The following ARHGDIB variants were observed in gnomAD, a reference collection of about 807,000 sequenced individuals.
ARHGDIB encodes Rho GDP dissociation inhibitor beta, also known as rho GDP-dissociation inhibitor 2.
A neutral mutation model predicts 22.6 loss-of-function variants in ARHGDIB; 20 were observed. The ratio of observed to expected loss-of-function variants is 0.88; its 90% CI spans 0.62 to 1.28. The LOEUF (loss-of-function observed/expected upper bound fraction) is 1.28, where lower values mean the gene tolerates loss of function less well. ARHGDIB is among the 50% of genes most tolerant of loss of function. The pLI is 0.00. For synonymous variants in ARHGDIB, 114 were observed against 96.1 expected (o/e 1.19, Z -1.09); for missense variants, 254 against 245.4 (o/e 1.04, Z -0.23).
intron 1 of ARHGDIB, among the ~76,000 whole-genome samples, chr12:14,958,322 C>T (rs1864342907): frequency 6.6e-6 from 1 of 152,138 alleles, no homozygotes; most frequent in Admixed American, 6.5e-5. Flanking sequence ...ACTACGAAAA[C>T]TTCAAAACTG....
In ARHGDIB at chr12:14,942,330, G is replaced by A. The variant is rs1473209941; in HGVS notation, c.*192C>T. ...ATGGAGGATCAGAGGGAGCAGGTTG[G>A]GTGAAAGCCCGGTTTTAAGCCTCTT... is the stretch of plus-strand genomic sequence containing the variant. On this transcript the variant is annotated 3_prime_UTR_variant, in exon 6 of 6. Transcript: ENST00000228945. 5 of 618,688 alleles carry A rather than the reference G, an allele frequency of 8.1e-6. 1 individual carries two copies. In the Admixed American group the frequency reaches 1.4e-4, roughly 17 times the overall value. 38.3% of individuals were successfully genotyped at this position (618,688 alleles called of 1,614,324 possible).
chr12:14,958,896 G>A (rs1431221514), intron 1 of ARHGDIB, among the ~76,000 whole-genome samples: 1 of 152,196 alleles, frequency 6.6e-6, no homozygotes, highest in Non-Finnish European at 1.5e-5. Flanking sequence ...GGCAACATGA[G>A]ACTCATCTCT....
chr12:14,957,071 T>C (rs1046692588), intron 1 of ARHGDIB, among the ~76,000 whole-genome samples: 4 of 152,174 alleles, frequency 2.6e-5, no homozygotes, highest in Non-Finnish European at 4.4e-5. Flanking sequence ...ACAAATTACC[T>C]GGGTAATTCA....
At chr12:14,950,760 T>C in intron 1 of ARHGDIB, 36 bp from the exon 2 acceptor site, 1 of 1,535,024 alleles carries the variant, frequency 6.5e-7, no homozygotes, top group East Asian at 2.3e-5. Context: ...AGTCAACAAG[T>C]CATGAATATA....
chr12:14,960,015 C>T (rs1408995650), intron 1 of ARHGDIB, among the ~76,000 whole-genome samples: 4 of 152,210 alleles, frequency 2.6e-5, no homozygotes, highest in Non-Finnish European at 4.4e-5. Context: ...GGGACTGGAC[C>T]TCTGCCCCCT....
chr12:14,950,792 G>A lies in ARHGDIB; in HGVS notation c.-12-68C>T, dbSNP rs2302746. 3.4e-3 allele frequency: 4,434 copies of A among 1,309,090 alleles called. 96 individuals are homozygous for A. The African/African-American group carries it at 0.051, about 15-fold the overall frequency. The allele number at this position is 1,309,090 out of a possible 1,614,324, so 81.1% of individuals were successfully genotyped here. A position where few individuals can be genotyped will look rare whatever the true frequency, so the allele number is the denominator to read the frequency against. On this transcript the variant is annotated intron_variant, in intron 1 of 5. Transcript: ENST00000228945. ...TATAAAAGATGTTAGTGGGGCTGCTGTTAGCAGCCTCCTTACCCTCATGGA... is the reference window on the plus strand; with the variant it reads ...TATAAAAGATGTTAGTGGGGCTGCTATTAGCAGCCTCCTTACCCTCATGGA...
At chr12:14,943,020 C>T (rs1863910498) in intron 5 of ARHGDIB, among the ~76,000 whole-genome samples, 1 of 152,104 alleles carries the variant, frequency 6.6e-6, no homozygotes, top group Admixed American at 6.5e-5. Context: ...AGGCATGCGC[C>T]ACCATGCTTG....
intron 3 of ARHGDIB, 121 bp from the exon 4 acceptor site, chr12:14,948,070 C>T: frequency 1.5e-6 from 1 of 656,968 alleles, no homozygotes; most frequent in South Asian, 1.6e-5. Flanking sequence ...ACAGGGCCCT[C>T]AATTCACAGA....
chr12:14,960,205 C>T (rs114339332), intron 1 of ARHGDIB, among the ~76,000 whole-genome samples: 1 of 152,180 alleles, frequency 6.6e-6, no homozygotes, highest in Admixed American at 6.5e-5. Context: ...AAGAACTGCC[C>T]AGGGCTTGCC....
intron 3 of ARHGDIB, among the ~76,000 whole-genome samples, chr12:14,948,212 T>TA (rs1176437810): frequency 6.6e-6 from 1 of 152,100 alleles, no homozygotes; most frequent in Non-Finnish European, 1.5e-5. Flanking sequence ...ATGACAATGC[T>TA]AAAAATACAC....
intron 1 of ARHGDIB, among the ~76,000 whole-genome samples, chr12:14,953,167 C>A (rs536020883): frequency 3.2e-4 from 49 of 152,220 alleles, no homozygotes; most frequent in African/African-American, 1.1e-3. Context: ...AAAAGAGACA[C>A]AAATTTACCT....
chr12:14,952,893 C>T (rs1436443682), intron 1 of ARHGDIB, among the ~76,000 whole-genome samples: 1 of 152,188 alleles, frequency 6.6e-6, no homozygotes, highest in Non-Finnish European at 1.5e-5. Flanking sequence ...CATCCAGTCA[C>T]TGGCTCAAGA....
At chr12:14,960,821 A>G (rs1398883442) in intron 1 of ARHGDIB, among the ~76,000 whole-genome samples, 1 of 152,168 alleles carries the variant, frequency 6.6e-6, no homozygotes, top group Non-Finnish European at 1.5e-5. Context: ...ATTTTTGACA[A>G]CAACAGCAAA....
At position 14,944,305 on chromosome 12, in the gene ARHGDIB, T is replaced by A. The variant is rs529048882; in HGVS notation, c.406+471A>T. Among the ~76,000 whole-genome samples the A allele has an allele frequency of 7.9e-5, 12 of 152,236 alleles. No homozygotes were observed. In the East Asian group the frequency reaches 2.3e-3, roughly 29 times the overall value. On this transcript the variant is annotated intron_variant, in intron 5 of 5. Coordinates refer to ENST00000228945, the MANE Select transcript of ARHGDIB (RefSeq NM_001175.7). ...TAGAAAATATTTTTTTTTCTATTTC[T>A]TTGTTAGGAAATTGAGCATTGCCTC...
At position 14,942,273 on chromosome 12, in the gene ARHGDIB, A is replaced by G. The variant is rs1863880232; in HGVS notation, c.*249T>C. 7.6e-6 allele frequency: 4 copies of G among 524,956 alleles called. No homozygotes were observed. The highest frequency in any genetic ancestry group is 6.6e-5 in the South Asian group (3 of 45,116). The allele number at this position is 524,956 out of a possible 1,614,324, so 32.5% of individuals were successfully genotyped here. A position where few individuals can be genotyped will look rare whatever the true frequency, so the allele number is the denominator to read the frequency against. On this transcript the variant is annotated 3_prime_UTR_variant, in exon 6 of 6. Coordinates refer to ENST00000228945, the MANE Select transcript of ARHGDIB (RefSeq NM_001175.7). ...ACAGGGAAATATTAAATGATTGTGT[A>G]CTGAGATGGAGACGTGGAAGATCTG...
chr12:14,942,296 C>A lies in ARHGDIB; in HGVS notation c.*226G>T. The A allele has an allele frequency of 1.8e-6, 1 of 563,998 alleles. No homozygotes were observed. The highest frequency in any genetic ancestry group is 2.1e-5 in the South Asian group (1 of 47,198). 34.9% of individuals were successfully genotyped at this position (563,998 alleles called of 1,614,324 possible). A position where few individuals can be genotyped will look rare whatever the true frequency, so the allele number is the denominator to read the frequency against. On this transcript the variant is annotated 3_prime_UTR_variant, in exon 6 of 6. Coordinates refer to ENST00000228945, the MANE Select transcript of ARHGDIB (RefSeq NM_001175.7). ...GTACTGAGATGGAGACGTGGAAGATCTGGCCCTGATGGAGGATCAGAGGGA... is the reference window on the plus strand; with the variant it reads ...GTACTGAGATGGAGACGTGGAAGATATGGCCCTGATGGAGGATCAGAGGGA...
chr12:14,942,659 T>C lies in ARHGDIB; in HGVS notation c.469A>G (p.Thr157Ala). 5.6e-6 allele frequency: 9 copies of C among 1,614,028 alleles called. No homozygotes were observed. Among genetic ancestry groups the C allele is most frequent in the Non-Finnish European group, 7.6e-6 (9 of 1,179,978 alleles). Residue 157 changes from threonine to alanine, a missense_variant, in exon 6 of 6, where the codon ACT becomes GCT. Coordinates refer to ENST00000228945, the MANE Select transcript of ARHGDIB (RefSeq NM_001175.7). ...GPRPEEYEFL[T>A]PVEEAPKGML... is the part of the protein sequence containing the mutation. ...CCCTTGGGAGCCTCCTCAACTGGAG[T>C]GAGGAACTCATACTCCTCAGGCCGA...
chr12:14,960,335 T>G (rs1394289849), intron 1 of ARHGDIB, among the ~76,000 whole-genome samples: 1 of 152,200 alleles, frequency 6.6e-6, no homozygotes, highest in Non-Finnish European at 1.5e-5. Flanking sequence ...CCTAAAGCAC[T>G]TCTCCTAATG....
At chr12:14,954,213 A>C (rs559832949) in intron 1 of ARHGDIB, among the ~76,000 whole-genome samples, 2 of 152,258 alleles carry the variant, frequency 1.3e-5, no homozygotes, top group African/African-American at 4.8e-5. Context: ...ACCTGAGCTC[A>C]AGAGATCCAC....
Sources: allele counts gnomAD v4.1 joint callset (sites outside exome capture counted in the v4.1 genomes callset), GRCh38; gene constraint gnomAD v4.1.1; transcripts MANE v1.5; gene names NCBI Gene and HGNC (gene_info 2026-07-23, HGNC 2026-07-21).